LUZP2: variants seen among roughly 807,000 people sequenced by gnomAD.
LUZP2 encodes the protein leucine zipper protein 2.
In LUZP2, 52 loss-of-function variants were observed where a neutral mutation model predicts 51.6. The ratio of observed to expected loss-of-function variants is 1.01; its 90% CI spans 0.81 to 1.27. The LOEUF (loss-of-function observed/expected upper bound fraction) is 1.27, where lower values mean the gene tolerates loss of function less well. Among genes scored for constraint, LUZP2 ranks in the 50% most tolerant of loss-of-function variants. The pLI is 0.00. For synonymous variants in LUZP2, 154 were observed against 137.3 expected (o/e 1.12, Z -0.85); for missense variants, 436 against 395.4 (o/e 1.10, Z -0.87).
intron 1 of LUZP2, among the ~76,000 whole-genome samples, chr11:24,499,232 T>A (rs2133744008): frequency 6.6e-6 from 1 of 152,344 alleles, no homozygotes; most frequent in South Asian, 2.1e-4. Context: ...ATATTTATAA[T>A]AAGTAGCATA....
intron 4 of LUZP2, among the ~76,000 whole-genome samples, chr11:24,744,701 T>A (rs1468584160): frequency 7.2e-5 from 11 of 152,166 alleles, no homozygotes; most frequent in Non-Finnish European, 1.5e-5. Context: ...TTTGTTTCAA[T>A]TTCACTTAGT....
intron 1 of LUZP2, among the ~76,000 whole-genome samples, chr11:24,668,220 A>T (rs1367376294): frequency 6.6e-6 from 1 of 152,208 alleles, no homozygotes; most frequent in Non-Finnish European, 1.5e-5. Context: ...GCTGGTACTT[A>T]TCTGGAATCT....
intron 1 of LUZP2, among the ~76,000 whole-genome samples, chr11:24,652,849 C>G (rs10767228): frequency 6.6e-6 from 1 of 151,788 alleles, no homozygotes; most frequent in African/African-American, 2.4e-5. Context: ...AGCAAATAAT[C>G]TAGTATCAGA....
intron 1 of LUZP2, among the ~76,000 whole-genome samples, chr11:24,669,696 T>C (rs1856338403): frequency 6.6e-6 from 1 of 152,076 alleles, no homozygotes; most frequent in Non-Finnish European, 1.5e-5. Flanking sequence ...TCATTGGTTT[T>C]CTTGATAGGA....
chr11:24,565,227 C>G (rs902599173), intron 1 of LUZP2, among the ~76,000 whole-genome samples: 4 of 152,084 alleles, frequency 2.6e-5, no homozygotes, highest in African/African-American at 4.8e-5. Context: ...GTAAAGAAGG[C>G]TTGATGTATA....
At chr11:24,909,500 G>GA (rs1269298466) in intron 6 of LUZP2, among the ~76,000 whole-genome samples, 5,774 of 136,908 alleles carry the variant, frequency 0.042, 365 homozygotes, top group African/African-American at 0.14. Flanking sequence ...TATTTTGAGG[G>GA]AAAAAAAAAA....
intron 1 of LUZP2, among the ~76,000 whole-genome samples, chr11:24,502,378 T>TTGTG (rs111364082): frequency 2.7e-5 from 4 of 150,854 alleles, no homozygotes; most frequent in Non-Finnish European, 5.9e-5. Context: ...TTCCAAAGTA[T>TTGTG]TTTGTTTGTT....
At chr11:25,064,778 G>A (rs11028396) in intron 10 of LUZP2, among the ~76,000 whole-genome samples, 7,068 of 151,960 alleles carry the variant, frequency 0.047, 247 homozygotes, top group Middle Eastern at 0.13. Flanking sequence ...TCCTAGGCAC[G>A]TCACTCAAGG....
chr11:24,946,204 G>A (rs985586328), intron 7 of LUZP2, among the ~76,000 whole-genome samples: 35 of 152,010 alleles, frequency 2.3e-4, no homozygotes, highest in African/African-American at 6.3e-4. Context: ...TTGTTCATCC[G>A]TTTGTTAGAA....
chr11:25,070,730 A>G (rs1859130610), intron 10 of LUZP2, among the ~76,000 whole-genome samples: 1 of 151,678 alleles, frequency 6.6e-6, no homozygotes, highest in Non-Finnish European at 1.5e-5. Context: ...ATAAGTTCAT[A>G]TATAAGTTTC....
At chr11:24,999,218 C>G (rs913666481) in intron 9 of LUZP2, among the ~76,000 whole-genome samples, 1 of 152,014 alleles carries the variant, frequency 6.6e-6, no homozygotes, top group Non-Finnish European at 1.5e-5. Flanking sequence ...ACATTTAGTT[C>G]TTTATTGACC....
At chr11:24,999,283 A>C (rs1856603516) in intron 9 of LUZP2, among the ~76,000 whole-genome samples, 1 of 151,976 alleles carries the variant, frequency 6.6e-6, no homozygotes, top group African/African-American at 2.4e-5. Flanking sequence ...GGTATAGTAA[A>C]CCATGGGGAG....
chr11:25,078,548 T>C lies in LUZP2; in HGVS notation c.937-6T>C. 6.2e-7 allele frequency: 1 copy of C among 1,603,640 alleles called. No homozygotes were observed. The highest frequency in any genetic ancestry group is 8.5e-7 in the Non-Finnish European group (1 of 1,173,052). On this transcript the variant is annotated splice_polypyrimidine_tract_variant and splice_region_variant and intron_variant, in intron 11 of 11. Coordinates refer to ENST00000336930, the MANE Select transcript of LUZP2 (RefSeq NM_001009909.4). ...TTCGAATTGTCTTTTCTGTATTGTT[T>C]AACAGAAATTGCAAATGCCTCCTTG...
intron 1 of LUZP2, among the ~76,000 whole-genome samples, chr11:24,574,350 C>T (rs1215288693): frequency 8.0e-6 from 1 of 124,976 alleles, no homozygotes; most frequent in Non-Finnish European, 1.7e-5. Context: ...TCCTTCCTTT[C>T]CTCCCTCCCT....
intron 1 of LUZP2, among the ~76,000 whole-genome samples, chr11:24,545,119 T>C (rs1174293180): frequency 1.3e-5 from 2 of 151,542 alleles, no homozygotes; most frequent in African/African-American, 4.8e-5. Context: ...CTTTGCCCAC[T>C]CTTTAATTTT....
intron 1 of LUZP2, among the ~76,000 whole-genome samples, chr11:24,708,707 G>T (rs1039725870): frequency 4.6e-5 from 7 of 152,086 alleles, no homozygotes; most frequent in African/African-American, 1.4e-4. Flanking sequence ...TATGATTCAA[G>T]AATTCATATT....
At chr11:24,819,014 A>G (rs1238218973) in intron 5 of LUZP2, among the ~76,000 whole-genome samples, 1 of 152,080 alleles carries the variant, frequency 6.6e-6, no homozygotes. Context: ...AAATACTATT[A>G]ATCTTATGGT....
chr11:24,707,276 A>C (rs1260631287), intron 1 of LUZP2, among the ~76,000 whole-genome samples: 8 of 147,342 alleles, frequency 5.4e-5, no homozygotes, highest in African/African-American at 1.7e-4. Context: ...CACTCTTTCT[A>C]TCTCTCTCTC....
chr11:25,036,347 G>A (rs1445718969), intron 9 of LUZP2, among the ~76,000 whole-genome samples: 1 of 151,730 alleles, frequency 6.6e-6, no homozygotes, highest in East Asian at 1.9e-4. Flanking sequence ...TGTGCTTATT[G>A]CAATCTTCTC....
Sources: allele counts gnomAD v4.1 joint callset (sites outside exome capture counted in the v4.1 genomes callset), GRCh38; gene constraint gnomAD v4.1.1; transcripts MANE v1.5; gene names NCBI Gene and HGNC (gene_info 2026-07-23, HGNC 2026-07-21).